The following OGDHL variants were observed in gnomAD, a reference collection of about 807,000 sequenced individuals.
OGDHL encodes oxoglutarate dehydrogenase L.
Under a neutral mutation model 109.6 loss-of-function variants are expected in OGDHL, and 79 were observed. That is an observed-to-expected ratio of 0.72 (90% CI 0.60 to 0.87). OGDHL has a LOEUF of 0.87. Among genes scored for constraint, OGDHL ranks in the 40% least tolerant of loss-of-function variants. OGDHL has a pLI of 0.00. For synonymous variants in OGDHL, 528 were observed against 537.2 expected, an observed-to-expected ratio of 0.98 and a Z score of 0.24; for missense variants, 1,275 against 1,362.2, an observed-to-expected ratio of 0.94 and a Z score of 1.01.
At chr10:49,746,643 C>A (rs1389618423) in intron 10 of OGDHL, 107 bp downstream of exon 10, 2 of 1,433,162 alleles carry the variant, frequency 1.4e-6, no homozygotes, top group East Asian at 4.7e-5. Context: ...GTAAGCAGCA[C>A]AGCAGTGGGC....
In OGDHL at chr10:49,744,563, T is replaced by C. The variant is rs573771926; in HGVS notation, c.1732+87A>G. 1.8e-5 allele frequency: 19 copies of C among 1,041,508 alleles called. No homozygotes were observed. The Admixed American group carries it at 2.6e-4, about 14-fold the overall frequency. 64.5% of individuals were successfully genotyped at this position (1,041,508 alleles called of 1,614,324 possible). On this transcript the variant is annotated intron_variant, in intron 13 of 22. Transcript: ENST00000374103. ...AGCCTCTAGACTAGGCAATGACAGC[T>C]GTCACCCAGGGCCATTCCAGTCCTG... is the stretch of plus-strand genomic sequence containing the variant.
At position 49,756,886 on chromosome 10, in the gene OGDHL, G is replaced by A. The variant is rs140510079; in HGVS notation, c.265C>T (p.Arg89Trp). 15 of 1,613,858 alleles carry A rather than the reference G, an allele frequency of 9.3e-6. No individual in the cohort carries two copies. The highest frequency in any genetic ancestry group is 4.4e-5 in the South Asian group (4 of 91,030). The change falls in exon 3 of 23, where the codon CGG becomes TGG. Residue 89 changes from arginine (R) to tryptophan (W), a missense_variant. Transcript: ENST00000374103. ...CTCTCATGGACAACAGAAGGGGGCC[G>A]TGGCTGAGCAGAGCCAGAAAAGGCT... ...EEAFSGSAQP[R>W]PPSVVHESRS...
Position 49,751,977 on chromosome 10 carries a change from G to A in OGDHL, c.599C>T (p.Thr200Ile), listed in dbSNP as rs1177219603. The A allele has an allele frequency of 5.0e-6, 8 of 1,614,172 alleles. No individual in the cohort carries two copies. Among genetic ancestry groups the A allele is most frequent in the Admixed American group, 1.7e-5 (1 of 60,032 alleles). Residue 200 changes from threonine (T) to isoleucine (I), a missense_variant, in exon 6 of 23, where the codon ACC (threonine) becomes ATC (isoleucine). Thr to Ile is a moderately conservative substitution (Grantham distance 89, BLOSUM62 -1). Transcript: ENST00000374103. The stretch of plus-strand genomic sequence containing the variant: ...CTCCAGGCCAATGTGCTGGCAGTAG[G>A]TGTTCTGGGGAGACACATTGGGACC... ...LREIIRRLENTYCQHIGLEFM... is the reference protein window; with the variant it reads ...LREIIRRLENIYCQHIGLEFM...
intron 19 of OGDHL, 43 bp from the exon 20 acceptor site, chr10:49,737,901 G>C: frequency 6.2e-7 from 1 of 1,614,124 alleles, no homozygotes; most frequent in Non-Finnish European, 8.5e-7. Context: ...GGCCCTGCCT[G>C]GCCAGGCCCC....
At chr10:49,754,356 C>CA (rs949268022) in intron 3 of OGDHL, among the ~76,000 whole-genome samples, 2 of 151,270 alleles carry the variant, frequency 1.3e-5, no homozygotes, top group East Asian at 1.9e-4. Context: ...CATATGAATC[C>CA]AAAAAAAAGA....
chr10:49,752,749 A>T lies in OGDHL; in HGVS notation c.376-9T>A, dbSNP rs1470293437. On this transcript the variant is annotated splice_polypyrimidine_tract_variant and intron_variant, in intron 3 of 22. Transcript: ENST00000374103. ...ACATGGTGACCCCGGATCTGGGAGGAGGGAAAAGAGCAGGGTGGGGCTGGG... is the reference window on the plus strand; with the variant it reads ...ACATGGTGACCCCGGATCTGGGAGGTGGGAAAAGAGCAGGGTGGGGCTGGG... The T allele has an allele frequency of 6.2e-7, 1 of 1,608,364 alleles. No individual in the cohort carries two copies. The highest frequency in any genetic ancestry group is 1.1e-5 in the South Asian group (1 of 90,908).
chr10:49,751,144 T>G (rs1233217548), intron 6 of OGDHL, among the ~76,000 whole-genome samples, 159 bp from the exon 7 acceptor site: 1 of 152,082 alleles, frequency 6.6e-6, no homozygotes, highest in Admixed American at 6.5e-5. Context: ...CCACCATGGA[T>G]ACACCTGTCC....
intron 13 of OGDHL, 105 bp from the exon 14 acceptor site, chr10:49,744,227 C>T (rs952346944): frequency 5.6e-6 from 8 of 1,436,696 alleles, no homozygotes; most frequent in Non-Finnish European, 7.5e-6. Flanking sequence ...TCCCAAACTC[C>T]ACCGGCACTC....
chr10:49,736,178 C>G lies in OGDHL; in HGVS notation c.2755-1G>C. On this transcript the variant is annotated splice_acceptor_variant, in intron 21 of 22. Coordinates refer to ENST00000374103, the MANE Select transcript of OGDHL (RefSeq NM_018245.3). LOFTEE classifies it high-confidence loss of function. ...TCAGGTCGAAGGGGAATGGAGAGAT[C>G]TGGGGAGGCAGAAACAAAGGAGCAT... 6.3e-7 allele frequency: 1 copy of G among 1,585,708 alleles called. No individual in the cohort carries two copies. The highest frequency in any genetic ancestry group is 8.6e-7 in the Non-Finnish European group (1 of 1,165,884).
At chr10:49,759,314 T>C (rs1436196006) in intron 1 of OGDHL, among the ~76,000 whole-genome samples, 2 of 151,282 alleles carry the variant, frequency 1.3e-5, no homozygotes, top group Non-Finnish European at 3.0e-5. Flanking sequence ...AAGAGTAGAA[T>C]GGAAGGCAGC....
rs1209918916 is a variant in OGDHL at position 49,746,828 on chromosome 10, C to T, written c.1218G>A (p.Val406=). The change falls in exon 10 of 23, where the codon GTG becomes GTA. Residue 406 remains valine, a synonymous_variant. Transcript: ENST00000374103. ...HGDAAFAGQG[V]VYETFHLSDL... is the part of the protein sequence containing the mutation. ...CGCTCAGGTGGAAGGTCTCATATACCACGCCCTGGCCAGCAAAGGCGGCGT... is the reference window on the plus strand; with the variant it reads ...CGCTCAGGTGGAAGGTCTCATATACTACGCCCTGGCCAGCAAAGGCGGCGT... 4 of 1,613,884 alleles carry T rather than the reference C, an allele frequency of 2.5e-6. No individual in the cohort carries two copies. Among genetic ancestry groups the T allele is most frequent in the Non-Finnish European group, 3.4e-6 (4 of 1,179,994 alleles).
chr10:49,742,371 CCA>C (rs1220543215), intron 15 of OGDHL, among the ~76,000 whole-genome samples: 62 of 120,420 alleles, frequency 5.1e-4, no homozygotes, highest in African/African-American at 1.6e-3. Flanking sequence ...CACCACACAC[CCA>C]CAAATACACA....
chr10:49,739,053 G>C (rs1167612783), intron 17 of OGDHL: 1 of 152,498 alleles, frequency 6.6e-6, no homozygotes, highest in African/African-American at 2.4e-5. Flanking sequence ...TGCCACTCAG[G>C]GATAATGGTG....
Position 49,742,969 on chromosome 10 carries a change from C to A in OGDHL, c.1871G>T (p.Arg624Leu), listed in dbSNP as rs746449761. Residue 624 changes from arginine (R) to leucine (L), a missense_variant, in exon 15 of 23, where the codon CGC (arginine) becomes CTC (leucine). Physicochemically the swap from Arg to Leu is moderately radical, Grantham distance 102. Transcript: ENST00000374103. Reference protein sequence around the residue: ...EDFKIHTGLSRILRGRADMTK... With the variant: ...EDFKIHTGLSLILRGRADMTK... ...CATGTCCGCACGGCCCCGCAGAATG[C>A]GAGAGAGGCCTGTGGGAAAGGAGTG... The A allele has an allele frequency of 6.2e-7, 1 of 1,612,898 alleles. No homozygotes were observed. Among genetic ancestry groups the A allele is most frequent in the Non-Finnish European group, 8.5e-7 (1 of 1,179,888 alleles).
intron 2 of OGDHL, among the ~76,000 whole-genome samples, chr10:49,757,926 C>T (rs1057231423): frequency 6.6e-6 from 1 of 152,174 alleles, no homozygotes; most frequent in Non-Finnish European, 1.5e-5. Context: ...GACTGTGTAA[C>T]TTCTTATACC....
At chr10:49,757,751 C>A (rs1432244951) in intron 2 of OGDHL, among the ~76,000 whole-genome samples, 1 of 152,132 alleles carries the variant, frequency 6.6e-6, no homozygotes. Context: ...CAGCAGGGAG[C>A]AAAACAGTAT....
At position 49,736,025 on chromosome 10, in the gene OGDHL, T is replaced by A; in HGVS notation, c.2907A>T (p.Ile969=). 1.3e-6 allele frequency: 2 copies of A among 1,577,668 alleles called. No homozygotes were observed. The highest frequency in any genetic ancestry group is 1.7e-6 in the Non-Finnish European group (2 of 1,163,130). ...FMTILRRARP[I]WYVGRDPAAA... The stretch of plus-strand genomic sequence containing the variant: ...CAATCAGCGGCCCCACCATGTACCA[T>A]ATGGGCCGTGCGCGCCTCAGGATGG... The change falls in exon 22 of 23, where the codon ATA becomes ATT. Residue 969 remains isoleucine (I), a splice_region_variant and synonymous_variant. Transcript: ENST00000374103.
intron 1 of OGDHL, among the ~76,000 whole-genome samples, chr10:49,759,113 G>C (rs1363921580): frequency 6.6e-6 from 1 of 152,094 alleles, no homozygotes; most frequent in African/African-American, 2.4e-5. Context: ...GGTGTCGGGG[G>C]TGATAGAGGC....
In OGDHL at chr10:49,736,438, C is replaced by G; in HGVS notation, c.2673G>C (p.Thr891=). The change falls in exon 21 of 23, where the codon ACG becomes ACC. Residue 891 remains threonine, a synonymous_variant. Coordinates refer to ENST00000374103, the MANE Select transcript of OGDHL (RefSeq NM_018245.3). ...PEQVQRLIFC[T]GKVYYDLVKE... ...TCACCAGGTCATAGTACACCTTTCC[C>G]GTGCAGAAGATGAGCCGCTGCACCT... is the stretch of plus-strand genomic sequence containing the variant. The G allele has an allele frequency of 2.5e-6, 4 of 1,614,112 alleles. No individual in the cohort carries two copies. The highest frequency in any genetic ancestry group is 3.4e-6 in the Non-Finnish European group (4 of 1,180,036).
Sources: gnomAD v4.1 joint callset for allele counts (sites outside exome capture counted in the v4.1 genomes callset) on GRCh38, gnomAD v4.1.1 for gene constraint, MANE v1.5 for transcripts, NCBI Gene and HGNC (gene_info 2026-07-23, HGNC 2026-07-21) for gene names.